The following ZNRF2 variants were observed in gnomAD, a reference collection of about 807,000 sequenced individuals.
ZNRF2 encodes E3 ubiquitin-protein ligase ZNRF2.
ZNRF2 carries 16 observed loss-of-function variants against 20.4 expected under a neutral mutation model. The observed-to-expected ratio is 0.79, with a 90% confidence interval of 0.53 to 1.19. The LOEUF (loss-of-function observed/expected upper bound fraction) is 1.19, where lower values mean the gene tolerates loss of function less well. Ranked by LOEUF, ZNRF2 falls within the 50% of genes most tolerant of loss-of-function variation. The pLI is 0.00. For synonymous variants in ZNRF2, 178 were observed against 144.9 expected, an observed-to-expected ratio of 1.23 and a Z score of -1.64; for missense variants, 363 against 332.4, an observed-to-expected ratio of 1.09 and a Z score of -0.72.
At chr7:30,332,845 A>T (rs1312321363) in intron 2 of ZNRF2, among the ~76,000 whole-genome samples, 4 of 152,132 alleles carry the variant, frequency 2.6e-5, no homozygotes, top group Non-Finnish European at 5.9e-5. Context: ...ATACGAGTGC[A>T]GGTGTCTTTT....
intron 2 of ZNRF2, among the ~76,000 whole-genome samples, chr7:30,335,502 A>G (rs527528412): frequency 3.3e-4 from 51 of 152,262 alleles, no homozygotes; most frequent in African/African-American, 1.2e-3. Flanking sequence ...GAGCATAGCT[A>G]TGACTCAGCC....
intron 2 of ZNRF2, among the ~76,000 whole-genome samples, chr7:30,343,576 A>G (rs1799831037): frequency 6.6e-6 from 1 of 152,080 alleles, no homozygotes; most frequent in Admixed American, 6.5e-5. Flanking sequence ...TGCATTTTTT[A>G]ATATTATAAA....
chr7:30,336,902 A>G (rs984619929), intron 2 of ZNRF2, among the ~76,000 whole-genome samples: 1 of 152,142 alleles, frequency 6.6e-6, no homozygotes, highest in African/African-American at 2.4e-5. Context: ...ATGTGTGTAT[A>G]TATGTATGTA....
intron 2 of ZNRF2, among the ~76,000 whole-genome samples, chr7:30,329,036 A>G (rs938074331): frequency 1.3e-5 from 2 of 152,210 alleles, no homozygotes; most frequent in Non-Finnish European, 2.9e-5. Context: ...TAGTCTATGA[A>G]TCTAATACAA....
Position 30,365,428 on chromosome 7 carries a change from A to G in ZNRF2, c.*23-607A>G, listed in dbSNP as rs115725530. Among the ~76,000 whole-genome samples the G allele has an allele frequency of 8.1e-4, 124 of 152,256 alleles. 2 individuals carry two copies. Among genetic ancestry groups the G allele is most frequent in the African/African-American group, 2.7e-3 (114 of 41,544 alleles). On this transcript the variant is annotated intron_variant, in intron 4 of 4. Coordinates refer to ENST00000323037, the MANE Select transcript of ZNRF2 (RefSeq NM_147128.4). ...CTACATGGGCAGGGTGAACTCTGTT[A>G]ATCAGGTGTCTACAGAAATCTGAAC...
At position 30,284,774 on chromosome 7, in the gene ZNRF2, C is replaced by T. The variant is rs898844674; in HGVS notation, c.-584C>T. ...ACGGTTGCCGGGAAGCGCGCGCCAC[C>T]TCTCCCTCCCATTTTTCGTTCTCCC... On this transcript the variant is annotated 5_prime_UTR_variant, in exon 1 of 5. Coordinates refer to ENST00000323037, the MANE Select transcript of ZNRF2 (RefSeq NM_147128.4). 2 of 179,336 alleles carry T rather than the reference C, an allele frequency of 1.1e-5. No homozygotes were observed. Among genetic ancestry groups the T allele is most frequent in the African/African-American group, 2.4e-5 (1 of 41,530 alleles). 11.1% of individuals were successfully genotyped at this position (179,336 alleles called of 1,614,324 possible).
At chr7:30,317,128 G>T (rs918245539) in intron 1 of ZNRF2, among the ~76,000 whole-genome samples, 21 of 152,250 alleles carry the variant, frequency 1.4e-4, no homozygotes, top group African/African-American at 5.1e-4. Flanking sequence ...TTCCTAATCT[G>T]CCTTTAATTG....
chr7:30,285,489 C>A lies in ZNRF2; in HGVS notation c.132C>A (p.Ala44=), dbSNP rs1798759384. 2 of 1,078,738 alleles carry A rather than the reference C, an allele frequency of 1.9e-6. No homozygotes were observed. Among genetic ancestry groups the A allele is most frequent in the Non-Finnish European group, 2.2e-6 (2 of 891,740 alleles). 66.8% of individuals were successfully genotyped at this position (1,078,738 alleles called of 1,614,324 possible). ...TAGGGGGARA[A]AAGRFPAQVP... The stretch of plus-strand genomic sequence containing the variant: ...GCGGCGGCGGGGGCGCTCGGGCCGC[C>A]GCCGCGGGGAGGTTCCCGGCTCAGG... The change falls in exon 1 of 5, where the codon GCC becomes GCA. Residue 44 remains alanine (A), a synonymous_variant. Coordinates refer to ENST00000323037, the MANE Select transcript of ZNRF2 (RefSeq NM_147128.4).
At chr7:30,307,372 G>C (rs1461486105) in intron 1 of ZNRF2, among the ~76,000 whole-genome samples, 2 of 114,648 alleles carry the variant, frequency 1.7e-5, no homozygotes, top group Non-Finnish European at 3.5e-5. Flanking sequence ...GAGGGGTATT[G>C]GAGTGGGAAG....
At chr7:30,290,034 T>C (rs1240363711) in intron 1 of ZNRF2, 1 of 421,916 alleles carries the variant, frequency 2.4e-6, no homozygotes, top group Non-Finnish European at 4.6e-6. Context: ...TTAAACTTAT[T>C]ACATGTAGTA....
intron 1 of ZNRF2, among the ~76,000 whole-genome samples, chr7:30,302,554 G>A (rs1486294734): frequency 6.9e-6 from 1 of 145,876 alleles, no homozygotes. Flanking sequence ...TTTTTTTTTT[G>A]GTAATTTTGT....
chr7:30,298,438 T>G (rs956166516), intron 1 of ZNRF2, among the ~76,000 whole-genome samples: 1 of 152,272 alleles, frequency 6.6e-6, no homozygotes, highest in Admixed American at 6.5e-5. Context: ...TCTGTGCATG[T>G]AGTGTCCTCT....
At chr7:30,359,227 AT>A (rs1800086675) in intron 3 of ZNRF2, among the ~76,000 whole-genome samples, 1 of 152,180 alleles carries the variant, frequency 6.6e-6, no homozygotes, top group African/African-American at 2.4e-5. Context: ...GTAGAGAATT[AT>A]TTTTTGTCTG....
At chr7:30,325,128 TG>T (rs34071870) in intron 2 of ZNRF2, among the ~76,000 whole-genome samples, 11 of 152,028 alleles carry the variant, frequency 7.2e-5, no homozygotes, top group African/African-American at 9.6e-5. Context: ...GGAATAGACT[TG>T]GGGGGGAAAA....
chr7:30,325,951 T>C (rs951288811), intron 2 of ZNRF2, among the ~76,000 whole-genome samples: 33 of 152,198 alleles, frequency 2.2e-4, no homozygotes, highest in African/African-American at 7.0e-4. Context: ...ATTCTATAAT[T>C]GTTTATGTTT....
intron 1 of ZNRF2, among the ~76,000 whole-genome samples, chr7:30,308,957 C>A (rs1421070035): frequency 6.6e-6 from 1 of 151,994 alleles, no homozygotes; most frequent in Non-Finnish European, 1.5e-5. Context: ...ATTCAGTGTT[C>A]ATTATATTTT....
At chr7:30,303,959 T>G (rs1444466168) in intron 1 of ZNRF2, among the ~76,000 whole-genome samples, 4 of 152,176 alleles carry the variant, frequency 2.6e-5, no homozygotes, top group Admixed American at 6.5e-5. Flanking sequence ...AGATTCTCAT[T>G]GGTGATTTTT....
At position 30,366,209 on chromosome 7, in the gene ZNRF2, C is replaced by T. The variant is rs1249697482; in HGVS notation, c.*197C>T. 1 of 152,516 alleles carries T rather than the reference C, an allele frequency of 6.6e-6. No individual in the cohort carries two copies. The highest frequency in any genetic ancestry group is 1.5e-5 in the Non-Finnish European group (1 of 68,004). 9.4% of individuals were successfully genotyped at this position (152,516 alleles called of 1,614,324 possible). Reference sequence around the variant, plus strand: ...ACCCTGCTGAAGAGAGGACAGTGACCACAGAACTCAGTGTACCAAACATGC... The same window carrying T: ...ACCCTGCTGAAGAGAGGACAGTGACTACAGAACTCAGTGTACCAAACATGC... On this transcript the variant is annotated 3_prime_UTR_variant, in exon 5 of 5. Coordinates refer to ENST00000323037, the MANE Select transcript of ZNRF2 (RefSeq NM_147128.4).
At chr7:30,326,282 C>T (rs913628547) in intron 2 of ZNRF2, among the ~76,000 whole-genome samples, 1 of 152,164 alleles carries the variant, frequency 6.6e-6, no homozygotes, top group South Asian at 2.1e-4. Context: ...TCCTCTCCTT[C>T]CTCCTACTCT....
Sources: gnomAD v4.1 joint callset for allele counts (sites outside exome capture counted in the v4.1 genomes callset) on GRCh38, gnomAD v4.1.1 for gene constraint, MANE v1.5 for transcripts, NCBI Gene and HGNC (gene_info 2026-07-23, HGNC 2026-07-21) for gene names.